The following ZNF536 variants were observed in gnomAD, a reference collection of about 807,000 sequenced individuals.
The protein encoded by ZNF536 is zinc finger protein 536.
ZNF536 carries 13 observed loss-of-function variants against 84.5 expected under a neutral mutation model. The ratio of observed to expected loss-of-function variants is 0.15; its 90% CI spans 0.10 to 0.24. The LOEUF is 0.24. Ranked by LOEUF, ZNF536 falls within the 10% of genes least tolerant of loss-of-function variation. The pLI is 1.00. For synonymous variants in ZNF536, 811 were observed against 742.5 expected (o/e 1.09, Z -1.50); for missense variants, 1,536 against 1,747.5 (o/e 0.88, Z 2.16).
At chr19:30,689,536 G>T (rs899904644) in intron 1 of ZNF536, among the ~76,000 whole-genome samples, 2 of 152,154 alleles carry the variant, frequency 1.3e-5, no homozygotes, top group Non-Finnish European at 2.9e-5. Flanking sequence ...ATTTCTGATG[G>T]GTTGTGGCTA....
intron 1 of ZNF536, among the ~76,000 whole-genome samples, chr19:30,681,845 G>C (rs1401511954): frequency 6.6e-6 from 1 of 152,172 alleles, no homozygotes; most frequent in East Asian, 1.9e-4. Context: ...CCACGCTGGA[G>C]AGAACAGCCC....
At chr19:30,283,299 C>T (rs2045515975) in intron 1 of ZNF536, among the ~76,000 whole-genome samples, 1 of 152,188 alleles carries the variant, frequency 6.6e-6, no homozygotes, top group South Asian at 2.1e-4. Flanking sequence ...GGCTGGAGAT[C>T]ACAGGCTGGG....
At chr19:30,353,451 T>C (rs1314910623) in intron 3 of ZNF536, among the ~76,000 whole-genome samples, 1 of 152,186 alleles carries the variant, frequency 6.6e-6, no homozygotes, top group Non-Finnish European at 1.5e-5. Context: ...CGTCAGTTTC[T>C]TGGTGGGTGT....
Position 30,683,354 on chromosome 19 carries a change from C to G in ZNF536, c.170-27403C>G, listed in dbSNP as rs188760617. ...CCATGAGCTCTAAGTAATCTCCTTT[C>G]TAATAAAGGAATTTGAAAGACCTTC... On this transcript the variant is annotated intron_variant, in intron 1 of 1. Coordinates refer to the ZNF536 transcript ENST00000592773. Among the ~76,000 whole-genome samples, 54 of 152,330 alleles carry G rather than the reference C, an allele frequency of 3.5e-4. 1 individual carries two copies. In the East Asian group the frequency reaches 8.1e-3, roughly 23 times the overall value.
intron 1 of ZNF536, among the ~76,000 whole-genome samples, chr19:30,400,723 G>T (rs1267930385): frequency 6.6e-6 from 1 of 152,134 alleles, no homozygotes; most frequent in Admixed American, 6.6e-5. Context: ...GAGCTACCAT[G>T]CCTGGCCTGA....
At chr19:30,581,380 G>A (rs1461223942) in intron 1 of ZNF536, among the ~76,000 whole-genome samples, 1 of 152,120 alleles carries the variant, frequency 6.6e-6, no homozygotes, top group Non-Finnish European at 1.5e-5. Context: ...AGGTGGCTGA[G>A]GCACAAGAAT....
At chr19:30,666,539 T>C (rs1335260571) in intron 1 of ZNF536, among the ~76,000 whole-genome samples, 1 of 151,984 alleles carries the variant, frequency 6.6e-6, no homozygotes, top group Non-Finnish European at 1.5e-5. Flanking sequence ...ACATTTCTAT[T>C]ACTGTTTAGG....
chr19:30,244,234 C>T (rs906903851), intron 1 of ZNF536, among the ~76,000 whole-genome samples: 4 of 152,132 alleles, frequency 2.6e-5, no homozygotes, highest in African/African-American at 9.7e-5. Flanking sequence ...CATTGTAACA[C>T]TCCTTTCCAC....
intron 1 of ZNF536, among the ~76,000 whole-genome samples, chr19:30,617,600 G>T (rs1481477362): frequency 6.6e-6 from 1 of 151,390 alleles, no homozygotes; most frequent in African/African-American, 2.4e-5. Flanking sequence ...TCTGCCCACT[G>T]TGGCCTCCCA....
chr19:30,614,942 ATTT>A (rs555419932), intron 1 of ZNF536, among the ~76,000 whole-genome samples: 25 of 32,312 alleles, frequency 7.7e-4, no homozygotes, highest in African/African-American at 2.1e-3. Flanking sequence ...CCCCTTTTCA[ATTT>A]TTTTTTTTTT....
intron 2 of ZNF536, among the ~76,000 whole-genome samples, chr19:30,312,845 C>T (rs567627488): frequency 1.3e-4 from 20 of 152,358 alleles, no homozygotes; most frequent in Admixed American, 4.6e-4. Flanking sequence ...TTCCCACGAA[C>T]GCCTCTGTGA....
chr19:30,645,680 A>G (rs1363464103), intron 1 of ZNF536, among the ~76,000 whole-genome samples: 1 of 152,220 alleles, frequency 6.6e-6, no homozygotes, highest in Admixed American at 6.5e-5. Context: ...CTATATCCAT[A>G]TCTTCTCCAC....
chr19:30,311,404 A>G (rs1278825732), intron 2 of ZNF536, among the ~76,000 whole-genome samples: 1 of 152,070 alleles, frequency 6.6e-6, no homozygotes, highest in East Asian at 1.9e-4. Flanking sequence ...GAGATTTAAT[A>G]TTTTCTCCCA....
intron 2 of ZNF536, among the ~76,000 whole-genome samples, chr19:30,481,152 T>C (rs2054070874): frequency 6.6e-6 from 1 of 152,340 alleles, no homozygotes; most frequent in Admixed American, 6.5e-5. Context: ...TGTCTGAGGT[T>C]CCCTAAGAAC....
At chr19:30,641,047 G>A (rs762307820) in intron 1 of ZNF536, among the ~76,000 whole-genome samples, 8 of 152,168 alleles carry the variant, frequency 5.3e-5, no homozygotes, top group Non-Finnish European at 1.0e-4. Flanking sequence ...CTCTGGATCA[G>A]CAGCTAAGGC....
chr19:30,368,830 T>C (rs1440885502), upstream of ZNF536, among the ~76,000 whole-genome samples: 3 of 152,210 alleles, frequency 2.0e-5, no homozygotes, highest in African/African-American at 7.2e-5. Flanking sequence ...CTTCAGCTGC[T>C]CCGCTTGCTT....
chr19:30,563,149 C>A (rs918122455), intron 1 of ZNF536, among the ~76,000 whole-genome samples: 6 of 152,110 alleles, frequency 3.9e-5, no homozygotes, highest in African/African-American at 1.4e-4. Context: ...CCGCTAAAAC[C>A]CCGCTGAGTG....
chr19:30,283,976 C>G (rs1229210788), intron 1 of ZNF536: 1 of 152,152 alleles, frequency 6.6e-6, no homozygotes, highest in Non-Finnish European at 1.5e-5. Flanking sequence ...CTCAACTAAC[C>G]CAGCAAATTG....
At chr19:30,316,529 T>TG (rs2046683217) in intron 2 of ZNF536, among the ~76,000 whole-genome samples, 1 of 152,300 alleles carries the variant, frequency 6.6e-6, no homozygotes, top group Admixed American at 6.5e-5. Context: ...TAAACATTTT[T>TG]GGGGGGCTGC....
Sources: gnomAD v4.1 joint callset for allele counts (sites outside exome capture counted in the v4.1 genomes callset) on GRCh38, gnomAD v4.1.1 for gene constraint, MANE v1.5 for transcripts, NCBI Gene and HGNC (gene_info 2026-07-23, HGNC 2026-07-21) for gene names.